AGAP1: variants seen among roughly 807,000 people sequenced by gnomAD.
AGAP1 encodes arf-GAP with GTPase, ANK repeat and PH domain-containing protein 1.
Under a neutral mutation model 105.3 loss-of-function variants are expected in AGAP1, and 29 were observed. The ratio of observed to expected loss-of-function variants is 0.28; its 90% CI spans 0.21 to 0.38. AGAP1 has a LOEUF of 0.38. Ranked by LOEUF, AGAP1 falls within the 10% of genes least tolerant of loss-of-function variation. The probability of loss-of-function intolerance (pLI) is 1.00; values close to 1 mark genes in which losing one functional copy is unlikely to be tolerated. For missense variants in AGAP1, 998 were observed against 1,165.1 expected (o/e 0.86, Z 2.09); for synonymous variants, 509 against 485.9 (o/e 1.05, Z -0.63).
intron 17 of AGAP1, among the ~76,000 whole-genome samples, chr2:236,122,990 CA>C (rs1000913680): frequency 7.2e-5 from 11 of 152,098 alleles, no homozygotes; most frequent in African/African-American, 2.7e-4. Context: ...GCTCCAGTGA[CA>C]ATTTTTACAA....
chr2:235,670,792 C>G (rs1429239312), intron 1 of AGAP1: 9 of 1,303,614 alleles, frequency 6.9e-6, no homozygotes, highest in African/African-American at 3.1e-5. Context: ...GTTGGGAACG[C>G]AGTAAGAGCA....
chr2:235,550,431 A>G lies in AGAP1; in HGVS notation c.163+55582A>G, dbSNP rs1449256254. Among the ~76,000 whole-genome samples, 1 of 152,186 alleles carries G rather than the reference A, an allele frequency of 6.6e-6. No homozygotes were observed. The highest frequency in any genetic ancestry group is 1.9e-4 in the East Asian group (1 of 5,188). On this transcript the variant is annotated intron_variant, in intron 1 of 17. Transcript: ENST00000304032. This position sits in a 1 kb window ranked among gnomAD's most constrained non-coding sequence, Gnocchi z 4.6. ...TCACTGAGCATGCACACGGGCTGTC[A>G]GGTCCTGGTCCCAGCTCTGCCTTCC... is the stretch of plus-strand genomic sequence containing the variant.
chr2:235,784,901 A>G (rs1956526023), intron 6 of AGAP1, among the ~76,000 whole-genome samples: 1 of 152,170 alleles, frequency 6.6e-6, no homozygotes, highest in African/African-American at 2.4e-5. Context: ...TGGGGAGAGT[A>G]TTACAATGAC....
rs1377805841 is a variant in AGAP1, at chr2:235,577,855, C to CCA, written c.163+83007_163+83008insAC. 3.3e-5 allele frequency among the ~76,000 whole-genome samples: 5 copies of CCA among 152,006 alleles called. No homozygotes were observed. Among genetic ancestry groups the CCA allele is most frequent in the African/African-American group, 1.2e-4 (5 of 41,370 alleles). On this transcript the variant is annotated intron_variant, in intron 1 of 17. Transcript: ENST00000304032. The surrounding 1 kb of genome is among the most constrained non-coding windows in gnomAD (Gnocchi z 4.5). ...AAAGGCCCATGTCTGCTCGCTGGGACCTGATAGTTCGCCTTTGTACGGATG... is the reference window on the plus strand; with the variant it reads ...AAAGGCCCATGTCTGCTCGCTGGGACCACTGATAGTTCGCCTTTGTACGGATG...
chr2:235,789,039 A>G lies in AGAP1; in HGVS notation c.674-8720A>G, dbSNP rs1956817083. 6.6e-6 allele frequency among the ~76,000 whole-genome samples: 1 copy of G among 152,186 alleles called. No individual in the cohort carries two copies. The highest frequency in any genetic ancestry group is 1.5e-5 in the Non-Finnish European group (1 of 68,044). On this transcript the variant is annotated intron_variant, in intron 6 of 17. Coordinates refer to ENST00000304032, the MANE Select transcript of AGAP1 (RefSeq NM_001037131.3). The surrounding 1 kb of genome is among the most constrained non-coding windows in gnomAD (Gnocchi z 4.2). ...CTTTGGGATTAAATGTTAAGGAACT[A>G]TTGTGCTTTGAAGGAGTGCATGGAA...
Position 235,970,113 on chromosome 2 carries a change from CATTG to C in AGAP1, c.1645+1496_1645+1499del, listed in dbSNP as rs1468023221. ...GCTACCTGAGAGGCTGAGGCAGGAG[CATTG>C]ATTGAACCCAGGAGGTGGAGGTTGC... On this transcript the variant is annotated intron_variant, in intron 13 of 17. Transcript: ENST00000304032. This position sits in a 1 kb window ranked among gnomAD's most constrained non-coding sequence, Gnocchi z 5.4. 1.3e-5 allele frequency among the ~76,000 whole-genome samples: 2 copies of C among 149,956 alleles called. No homozygotes were observed. The highest frequency in any genetic ancestry group is 2.1e-4 in the South Asian group (1 of 4,740).
In AGAP1 at chr2:236,009,698, T is replaced by G. The variant is rs1457071572; in HGVS notation, c.1646-26863T>G. Among the ~76,000 whole-genome samples the G allele has an allele frequency of 1.3e-5, 2 of 152,098 alleles. No individual in the cohort carries two copies. The highest frequency in any genetic ancestry group is 2.9e-5 in the Non-Finnish European group (2 of 68,010). ...CCCTTCCTCCATGGAGGTAAAAAGA[T>G]CCTATTAGTTCTCATAATTGATTCT... On this transcript the variant is annotated intron_variant, in intron 13 of 17. Transcript: ENST00000304032. This position sits in a 1 kb window ranked among gnomAD's most constrained non-coding sequence, Gnocchi z 4.2.
rs1163387509 is a variant in AGAP1 at position 235,864,528 on chromosome 2, G to T, written c.1051-18817G>T. ...GTTTCCGCTCCACTGCGCGGCCCCG[G>T]AGCCCCCAAACGCAGGTCAGCATGG... On this transcript the variant is annotated intron_variant, in intron 9 of 17. Coordinates refer to ENST00000304032, the MANE Select transcript of AGAP1 (RefSeq NM_001037131.3). The surrounding 1 kb of genome is among the most constrained non-coding windows in gnomAD (Gnocchi z 5.0). Among the ~76,000 whole-genome samples, 1 of 152,272 alleles carries T rather than the reference G, an allele frequency of 6.6e-6. No individual in the cohort carries two copies. The highest frequency in any genetic ancestry group is 2.4e-5 in the African/African-American group (1 of 41,556).
chr2:235,929,584 G>C (rs1013382089), intron 11 of AGAP1, among the ~76,000 whole-genome samples: 2 of 152,030 alleles, frequency 1.3e-5, no homozygotes, highest in Admixed American at 6.6e-5. Context: ...TGTAGGGCTC[G>C]TACACTACGC....
At chr2:235,847,320 A>G (rs1961614519) in intron 9 of AGAP1, among the ~76,000 whole-genome samples, 1 of 152,216 alleles carries the variant, frequency 6.6e-6, no homozygotes, top group Non-Finnish European at 1.5e-5. Flanking sequence ...TTTTGACTCT[A>G]TCCCAAAATA....
Position 235,557,302 on chromosome 2 carries a change from G to A in AGAP1, c.163+62453G>A, listed in dbSNP as rs1404662572. Among the ~76,000 whole-genome samples, 1 of 152,162 alleles carries A rather than the reference G, an allele frequency of 6.6e-6. No individual in the cohort carries two copies. Among genetic ancestry groups the A allele is most frequent in the Non-Finnish European group, 1.5e-5 (1 of 68,022 alleles). ...AGCCCGGCTCTTTCATGGGATCACA[G>A]TTTGTTCACCTTGGAAGCTGTTGCT... On this transcript the variant is annotated intron_variant, in intron 1 of 17. Transcript: ENST00000304032. The surrounding 1 kb of genome is among the most constrained non-coding windows in gnomAD (Gnocchi z 4.7).
chr2:235,771,118 G>A (rs1955409338), intron 6 of AGAP1, among the ~76,000 whole-genome samples: 1 of 152,340 alleles, frequency 6.6e-6, no homozygotes, highest in Admixed American at 6.5e-5. Flanking sequence ...TGTAGTCTCT[G>A]GGTCCGGCAT....
intron 1 of AGAP1, among the ~76,000 whole-genome samples, chr2:235,497,930 A>G (rs779330475): frequency 4.6e-5 from 7 of 151,976 alleles, no homozygotes; most frequent in African/African-American, 1.7e-4. Flanking sequence ...GCTTTTGAAG[A>G]TAGGGTTTCT....
intron 1 of AGAP1, among the ~76,000 whole-genome samples, chr2:235,521,740 A>ATG (rs59747217): frequency 3.5e-5 from 5 of 141,460 alleles, no homozygotes; most frequent in Non-Finnish European, 6.2e-5. Flanking sequence ...TTTGTTATAT[A>ATG]TATGTGTGTG....
intron 13 of AGAP1, among the ~76,000 whole-genome samples, chr2:235,969,285 T>TAG (rs1251372893): frequency 6.6e-6 from 1 of 151,632 alleles, no homozygotes; most frequent in Non-Finnish European, 1.5e-5. Context: ...TAGATGCAAG[T>TAG]AGAGATAGGT....
chr2:235,981,380 T>C lies in AGAP1; in HGVS notation c.1645+12757T>C, dbSNP rs2055087647. ...TTGGTTTTCTGCAGAAGCCATGATA[T>C]ACTGTAGGCATGGTTACCAGAACAC... On this transcript the variant is annotated intron_variant, in intron 13 of 17. Transcript: ENST00000304032. The surrounding 1 kb of genome is among the most constrained non-coding windows in gnomAD (Gnocchi z 5.5). 6.6e-6 allele frequency among the ~76,000 whole-genome samples: 1 copy of C among 152,132 alleles called. No individual in the cohort carries two copies. The highest frequency in any genetic ancestry group is 6.6e-5 in the Admixed American group (1 of 15,262).
chr2:236,098,877 C>A (rs1482387106), intron 16 of AGAP1, among the ~76,000 whole-genome samples: 1 of 151,458 alleles, frequency 6.6e-6, no homozygotes, highest in Non-Finnish European at 1.5e-5. Flanking sequence ...GCCGTCTTAG[C>A]CTCCCCAAGT....
chr2:235,713,555 T>C lies in AGAP1; in HGVS notation c.223-4002T>C, dbSNP rs1950953213. Among the ~76,000 whole-genome samples, 4 of 152,254 alleles carry C rather than the reference T, an allele frequency of 2.6e-5. No individual in the cohort carries two copies. The South Asian group carries it at 8.3e-4, about 31-fold the overall frequency. On this transcript the variant is annotated intron_variant, in intron 2 of 17. Coordinates refer to ENST00000304032, the MANE Select transcript of AGAP1 (RefSeq NM_001037131.3). The stretch of plus-strand genomic sequence containing the variant: ...AACAAGGCAAATGAGACAAGGTGCC[T>C]GTCCTTGAGGAATTGTCAGTATTGG...
intron 1 of AGAP1, among the ~76,000 whole-genome samples, chr2:235,533,847 G>A (rs953447471): frequency 6.6e-6 from 1 of 152,262 alleles, no homozygotes; most frequent in Non-Finnish European, 1.5e-5. Context: ...TTTTGGGCTT[G>A]GGGATAATGG....
Sources: allele counts gnomAD v4.1 joint callset (sites outside exome capture counted in the v4.1 genomes callset), GRCh38; gene constraint gnomAD v4.1.1; non-coding constraint Gnocchi (gnomAD v3.1); transcripts MANE v1.5; gene names NCBI Gene and HGNC (gene_info 2026-07-23, HGNC 2026-07-21).